ADGRV1: variants seen among roughly 807,000 people sequenced by gnomAD.
ADGRV1 encodes the protein G-protein coupled receptor 98.
In ADGRV1, 359 loss-of-function variants were observed where a neutral mutation model predicts 596.2. That is an observed-to-expected ratio of 0.60 (90% CI 0.55 to 0.66). ADGRV1 has a LOEUF of 0.66. ADGRV1 is among the 30% of genes least tolerant of loss of function. ADGRV1 has a pLI of 0.00. For synonymous variants in ADGRV1, 2,681 were observed against 2,679.2 expected (o/e 1.00, Z -0.02); for missense variants, 7,274 against 7,575.6 (o/e 0.96, Z 1.48).
chr5:90,799,094 A>T (rs565520615), intron 70 of ADGRV1, among the ~76,000 whole-genome samples: 11 of 152,322 alleles, frequency 7.2e-5, no homozygotes, highest in African/African-American at 2.4e-4. Context: ...AGACAAAAGA[A>T]AGGAGTAAAG....
At chr5:90,910,925 A>G (rs930751831) in intron 83 of ADGRV1, among the ~76,000 whole-genome samples, 5 of 152,174 alleles carry the variant, frequency 3.3e-5, no homozygotes, top group Non-Finnish European at 5.9e-5. Context: ...CAGTTTTCCT[A>G]TGTATTCCTG....
chr5:90,884,805 G>A (rs1770128481), intron 83 of ADGRV1, among the ~76,000 whole-genome samples: 1 of 152,108 alleles, frequency 6.6e-6, no homozygotes, highest in Non-Finnish European at 1.5e-5. Flanking sequence ...ACTGTCCTGG[G>A]TTTAGCACTG....
rs1160294253 is a variant in ADGRV1 at position 90,708,818 on chromosome 5, T to A, written c.8733T>A (p.Asp2911Glu). The change falls in exon 39 of 90, where the codon GAT becomes GAA. Residue 2911 changes from aspartate to glutamate, a missense_variant and splice_region_variant. Asp to Glu is a conservative substitution (Grantham distance 45, BLOSUM62 2). This residue lies in a region of ADGRV1 where 3,643 missense variants were observed against 3,809.2 expected (regional missense o/e 0.96). Transcript: ENST00000405460. ...TTTAATGAGTGTAATTTTTTCAGGA[T>A]GATGTACCAGAGCTAGAAGAATATT... ...AAAINITILE[D>E]DVPELEEYFL... 1 of 1,602,186 alleles carries A rather than the reference T, an allele frequency of 6.2e-7. No individual in the cohort carries two copies. The highest frequency in any genetic ancestry group is 1.1e-5 in the South Asian group (1 of 90,012).
chr5:90,961,508 G>GA (rs1554178865), intron 83 of ADGRV1, among the ~76,000 whole-genome samples: 1 of 39,778 alleles, frequency 2.5e-5, no homozygotes, highest in African/African-American at 9.7e-5. Context: ...AAAAAAAAAA[G>GA]GGGGGGTGGC....
chr5:91,101,785 G>T (rs1312404219), intron 86 of ADGRV1, among the ~76,000 whole-genome samples: 2 of 150,950 alleles, frequency 1.3e-5, no homozygotes, highest in Admixed American at 6.6e-5. Flanking sequence ...ACACACGTGC[G>T]CATGCACACA....
At chr5:90,756,900 T>C (rs1266963709) in intron 56 of ADGRV1, 79 bp from the exon 57 acceptor site, 14 of 1,180,306 alleles carry the variant, frequency 1.2e-5, no homozygotes, top group Admixed American at 2.4e-5. Context: ...GAAAGTTAAG[T>C]AGAAACAATA....
At chr5:90,992,531 C>G (rs762748317) in intron 85 of ADGRV1, among the ~76,000 whole-genome samples, 3 of 152,174 alleles carry the variant, frequency 2.0e-5, no homozygotes, top group African/African-American at 7.2e-5. Context: ...ATCCAATCTC[C>G]GTGTAGTTCT....
intron 83 of ADGRV1, among the ~76,000 whole-genome samples, chr5:90,912,993 C>T (rs866459687): frequency 6.6e-6 from 1 of 152,164 alleles, no homozygotes; most frequent in Non-Finnish European, 1.5e-5. Flanking sequence ...TATTTTCCTT[C>T]ATGAAATACT....
intron 85 of ADGRV1, among the ~76,000 whole-genome samples, chr5:91,009,800 A>C (rs903263665): frequency 8.5e-5 from 13 of 152,156 alleles, no homozygotes; most frequent in African/African-American, 3.1e-4. Context: ...ATTTCAAAAC[A>C]TTCTATCACA....
chr5:91,124,201 C>A (rs967014409), intron 87 of ADGRV1, among the ~76,000 whole-genome samples: 9 of 152,088 alleles, frequency 5.9e-5, no homozygotes, highest in Admixed American at 1.3e-4. Context: ...TACCATTATT[C>A]ATTACAGTGA....
chr5:90,976,322 GTATATATATATATA>G, intron 84 of ADGRV1, among the ~76,000 whole-genome samples: 1 of 108,618 alleles, frequency 9.2e-6, no homozygotes, highest in East Asian at 2.4e-4. Context: ...GTGTGTGTGT[GTATATATATATATA>G]TATATATATA....
intron 41 of ADGRV1, among the ~76,000 whole-genome samples, chr5:90,711,808 G>T (rs748167834): frequency 3.3e-5 from 5 of 151,848 alleles, no homozygotes; most frequent in African/African-American, 4.8e-5. Context: ...ACAAAGTCTC[G>T]CTCTCTCACT....
Position 91,153,260 on chromosome 5 carries a change from A to G in ADGRV1, c.18664A>G (p.Ser6222Gly), listed in dbSNP as rs1171707189. ...DWERASFQQG[S>G]QASPDLKPSP... Reference sequence around the variant, plus strand: ...GGAGAGAGCATCCTTCCAACAGGGCAGTCAGGCCAGCCCTGATTTAAAGCC... The same window carrying G: ...GGAGAGAGCATCCTTCCAACAGGGCGGTCAGGCCAGCCCTGATTTAAAGCC... Residue 6222 changes from serine (S) to glycine (G), a missense_variant, in exon 89 of 90, where the codon AGT becomes GGT. By Grantham distance (56) the Ser-to-Gly change is moderately conservative. Transcript: ENST00000405460. The G allele has an allele frequency of 3.1e-6, 5 of 1,608,942 alleles. No homozygotes were observed. Among genetic ancestry groups the G allele is most frequent in the African/African-American group, 1.3e-5 (1 of 74,942 alleles).
intron 85 of ADGRV1, among the ~76,000 whole-genome samples, chr5:91,031,959 G>T (rs1784517589): frequency 6.6e-6 from 1 of 152,158 alleles, no homozygotes; most frequent in Admixed American, 6.5e-5. Context: ...ATATTAACAA[G>T]ATAATAAATG....
At chr5:90,612,375 A>C (rs1459910739) in intron 1 of ADGRV1, among the ~76,000 whole-genome samples, 1 of 152,058 alleles carries the variant, frequency 6.6e-6, no homozygotes, top group East Asian at 1.9e-4. Flanking sequence ...GAATGCTTGG[A>C]AACGTAGCAT....
At chr5:90,789,938 A>G in intron 69 of ADGRV1, 87 bp downstream of exon 69, 2 of 998,172 alleles carry the variant, frequency 2.0e-6, no homozygotes, top group Admixed American at 8.0e-5. Flanking sequence ...GTTCTAGTTA[A>G]TTAAAGTTTT....
At chr5:91,043,955 AAAAG>A (rs1221794482) in intron 85 of ADGRV1, among the ~76,000 whole-genome samples, 2 of 151,986 alleles carry the variant, frequency 1.3e-5, no homozygotes, top group Non-Finnish European at 2.9e-5. Context: ...TGTTTCTTCA[AAAAG>A]AAAGCAATCT....
intron 85 of ADGRV1, among the ~76,000 whole-genome samples, chr5:91,002,226 A>G (rs572725192): frequency 1.3e-5 from 2 of 152,304 alleles, no homozygotes; most frequent in East Asian, 3.9e-4. Flanking sequence ...AAATTTTTCA[A>G]TCTTACACAG....
In ADGRV1 at chr5:90,950,324, T is replaced by G. The variant is rs1304948833; in HGVS notation, c.17857-15091T>G. Among the ~76,000 whole-genome samples the G allele has an allele frequency of 2.6e-5, 4 of 152,084 alleles. No individual in the cohort carries two copies. In the East Asian group the frequency reaches 7.7e-4, roughly 29 times the overall value. ...AGGATGGACATATTTAAGAACTATT[T>G]TATTTATTTATTTTTGAGATGGAGT... On this transcript the variant is annotated intron_variant, in intron 83 of 89. Coordinates refer to ENST00000405460, the MANE Select transcript of ADGRV1 (RefSeq NM_032119.4).
Sources: gnomAD v4.1 joint callset for allele counts (sites outside exome capture counted in the v4.1 genomes callset) on GRCh38, gnomAD v4.1.1 for gene constraint, gnomAD v4.1.1 regional missense constraint, MANE v1.5 for transcripts, NCBI Gene and HGNC (gene_info 2026-07-23, HGNC 2026-07-21) for gene names.